SETDB1: variants seen among roughly 807,000 people sequenced by gnomAD.
The protein encoded by SETDB1 is histone-lysine N-methyltransferase SETDB1.
In SETDB1, 31 loss-of-function variants were observed where a neutral mutation model predicts 137.4. That is an observed-to-expected ratio of 0.23 (90% CI 0.17 to 0.30). The LOEUF (loss-of-function observed/expected upper bound fraction) is 0.30. Ranked by LOEUF, SETDB1 falls within the 10% of genes least tolerant of loss-of-function variation. SETDB1 has a pLI of 1.00. For missense variants in SETDB1, 1,113 were observed against 1,631.5 expected, an observed-to-expected ratio of 0.68 and a Z score of 5.47; for synonymous variants, 548 against 579.9, an observed-to-expected ratio of 0.95 and a Z score of 0.79.
chr1:150,938,293 A>G (rs1167738881), intron 3 of SETDB1, among the ~76,000 whole-genome samples: 1 of 151,982 alleles, frequency 6.6e-6, no homozygotes, highest in Non-Finnish European at 1.5e-5. Flanking sequence ...ACCGCATATT[A>G]CATGATTCTC....
At chr1:150,933,507 G>A (rs1440727567) in intron 3 of SETDB1, among the ~76,000 whole-genome samples, 1 of 151,428 alleles carries the variant, frequency 6.6e-6, no homozygotes, top group African/African-American at 2.4e-5. Context: ...TTCCTGAGTA[G>A]CTGGGACCAC....
At chr1:150,926,280 A>G (rs918898723), upstream of SETDB1, 3 of 189,980 alleles carry the variant, frequency 1.6e-5, no homozygotes, top group Non-Finnish European at 3.3e-5. Flanking sequence ...GTCGCCTCTG[A>G]GGGGCGCCCC....
chr1:150,951,140 G>A, intron 13 of SETDB1, 50 bp downstream of exon 13: 1 of 1,558,404 alleles, frequency 6.4e-7, no homozygotes, highest in South Asian at 1.2e-5. Context: ...TTGTTATGGT[G>A]TCTGTTTCAC....
chr1:150,963,562 A>G lies in SETDB1; in HGVS notation c.3493A>G (p.Thr1165Ala). ...PMKRQVAVKS[T>A]RGFALKSTHG... ...GAAGCGTCAAGTGGCAGTAAAATCA[A>G]CCCGAGGCTTTGCTCTTAAATCAAC... Residue 1165 changes from threonine to alanine, a missense_variant, in exon 20 of 22, where the codon ACC becomes GCC. Transcript: ENST00000692827. 1 of 1,613,914 alleles carries G rather than the reference A, an allele frequency of 6.2e-7. No homozygotes were observed. Among genetic ancestry groups the G allele is most frequent in the Non-Finnish European group, 8.5e-7 (1 of 1,179,904 alleles).
rs756399258 is a variant in SETDB1 at position 150,963,514 on chromosome 1, T to G, written c.3461-16T>G. On this transcript the variant is annotated splice_polypyrimidine_tract_variant and intron_variant, in intron 19 of 21. Coordinates refer to ENST00000692827, the MANE Select transcript of SETDB1 (RefSeq NM_001366418.1). ...GAGTTGGGATGGGTCCTGACCCCAT[T>G]CTCCCTCCTGTCCAGGTCCAATGAA... 1 of 1,599,096 alleles carries G rather than the reference T, an allele frequency of 6.3e-7. No homozygotes were observed. Among genetic ancestry groups the G allele is most frequent in the Non-Finnish European group, 8.5e-7 (1 of 1,170,938 alleles).
intron 3 of SETDB1, among the ~76,000 whole-genome samples, chr1:150,937,505 C>A (rs1669981823): frequency 6.6e-6 from 1 of 152,086 alleles, no homozygotes; most frequent in Non-Finnish European, 1.5e-5. Context: ...ACGGTCCTGG[C>A]TACTCAGGAG....
At position 150,963,415 on chromosome 1, in the gene SETDB1, T is replaced by C. The variant is rs151232571; in HGVS notation, c.3461-115T>C. ...CTTAGGATCTTTGAGTTCCAGCTTA[T>C]TGGTGTTTCTCAGCTGCAATGTTGG... On this transcript the variant is annotated intron_variant, in intron 19 of 21. Coordinates refer to ENST00000692827, the MANE Select transcript of SETDB1 (RefSeq NM_001366418.1). 8.8e-4 allele frequency: 820 copies of C among 934,400 alleles called. 8 individuals are homozygous for C. In the East Asian group the frequency reaches 0.011, roughly 13 times the overall value. 57.9% of individuals were successfully genotyped at this position (934,400 alleles called of 1,614,324 possible). A position where few individuals can be genotyped will look rare whatever the true frequency, so the allele number is the denominator to read the frequency against.
In SETDB1 at chr1:150,963,023, C is replaced by G; in HGVS notation, c.3344C>G (p.Thr1115Ser). The change falls in exon 19 of 22, where the codon ACC (threonine) becomes AGC (serine). Residue 1115 changes from threonine to serine, a missense_variant. This residue lies in a region of SETDB1 where 373 missense variants were observed against 412.7 expected (regional missense o/e 0.90). Coordinates refer to ENST00000692827, the MANE Select transcript of SETDB1 (RefSeq NM_001366418.1). ...SSTESEGESG[T>S]SRKPTAGQTS... ...ACAGAAAGTGAGGGGGAAAGTGGGA[C>G]CAGCCGAAAGCCCACTGCTGGTCAG... The G allele has an allele frequency of 6.2e-7, 1 of 1,614,140 alleles. No individual in the cohort carries two copies. The highest frequency in any genetic ancestry group is 1.6e-4 in the Middle Eastern group (1 of 6,062).
At chr1:150,928,081 G>C (rs181800938) in intron 2 of SETDB1, 107 bp downstream of exon 2, 124 of 1,321,448 alleles carry the variant, frequency 9.4e-5, no homozygotes, top group Middle Eastern at 8.1e-4. Context: ...GTTTTGAGAC[G>C]GAGTCTCGCT....
intron 14 of SETDB1, among the ~76,000 whole-genome samples, chr1:150,956,259 G>A (rs949920424): frequency 2.0e-5 from 3 of 151,734 alleles, no homozygotes; most frequent in Admixed American, 2.0e-4. Context: ...GGTGGCAGGC[G>A]CCTGTAATCC....
At chr1:150,937,305 A>G (rs1669976377) in intron 3 of SETDB1, among the ~76,000 whole-genome samples, 2 of 152,232 alleles carry the variant, frequency 1.3e-5, no homozygotes, top group African/African-American at 4.8e-5. Context: ...TCTAGCATTC[A>G]GTGGTGGCTG....
chr1:150,940,666 A>G (rs7556451), intron 4 of SETDB1, among the ~76,000 whole-genome samples: 66,200 of 151,378 alleles, frequency 0.44, 15,088 homozygotes, highest in African/African-American at 0.55. Flanking sequence ...TCGGCAGTTC[A>G]AGAGCAGCCT....
chr1:150,964,425 G>T lies in SETDB1; in HGVS notation c.*61G>T. The T allele has an allele frequency of 3.2e-6, 4 of 1,264,034 alleles. No homozygotes were observed. The highest frequency in any genetic ancestry group is 4.6e-6 in the Non-Finnish European group (4 of 873,324). 78.3% of individuals were successfully genotyped at this position (1,264,034 alleles called of 1,614,324 possible). A position where few individuals can be genotyped will look rare whatever the true frequency, so the allele number is the denominator to read the frequency against. The stretch of plus-strand genomic sequence containing the variant: ...GTTTCCTCAGGAACTGGGTCTTCCT[G>T]ATTGTTGAACCCTGACCCGAAGTCT... On this transcript the variant is annotated 3_prime_UTR_variant, in exon 22 of 22. Transcript: ENST00000692827.
Position 150,964,654 on chromosome 1 carries a change from T to G in SETDB1, c.*290T>G. ...CAAGTGTTCCTGCTTCTAACAGACTTTGTTCTTAGAATGGAGCCTGTGTAT... is the reference window on the plus strand; with the variant it reads ...CAAGTGTTCCTGCTTCTAACAGACTGTGTTCTTAGAATGGAGCCTGTGTAT... On this transcript the variant is annotated 3_prime_UTR_variant, in exon 22 of 22. Coordinates refer to ENST00000692827, the MANE Select transcript of SETDB1 (RefSeq NM_001366418.1). 1 of 607,828 alleles carries G rather than the reference T, an allele frequency of 1.6e-6. No homozygotes were observed. Among genetic ancestry groups the G allele is most frequent in the South Asian group, 2.0e-5 (1 of 51,022 alleles). The allele number at this position is 607,828 out of a possible 1,614,324, so 37.7% of individuals were successfully genotyped here.
chr1:150,964,003 C>T lies in SETDB1; in HGVS notation c.3681C>T (p.Cys1227=). ...TGTCCTTAAACCTACAGCACAGTTG[C>T]AGCCCCAACCTGTTTGTCCAGAATG... ...GNLGRYLNHS[C]SPNLFVQNVF... is the part of the protein sequence containing the mutation. Residue 1227 remains cysteine, a synonymous_variant, in exon 21 of 22, where the codon TGC becomes TGT. Transcript: ENST00000692827. 1.2e-6 allele frequency: 2 copies of T among 1,614,010 alleles called. No individual in the cohort carries two copies. The highest frequency in any genetic ancestry group is 1.7e-6 in the Non-Finnish European group (2 of 1,179,886).
At position 150,949,199 on chromosome 1, in the gene SETDB1, G is replaced by A; in HGVS notation, c.1345G>A (p.Glu449Lys). The A allele has an allele frequency of 6.2e-7, 1 of 1,613,944 alleles. No individual in the cohort carries two copies. Among genetic ancestry groups the A allele is most frequent in the Non-Finnish European group, 8.5e-7 (1 of 1,179,984 alleles). ...TGTGTQFKPV[E>K]PPQPTAPPAP... is the part of the protein sequence containing the mutation. ...TACTGGAACCCAGTTCAAGCCAGTG[G>A]AACCCCCACAGCCTACAGCTCCACC... The change falls in exon 11 of 22, where the codon GAA (glutamate) becomes AAA (lysine). Residue 449 changes from glutamate (E) to lysine (K), a missense_variant. By Grantham distance (56) the Glu-to-Lys change is moderately conservative. Coordinates refer to ENST00000692827, the MANE Select transcript of SETDB1 (RefSeq NM_001366418.1).
At chr1:150,931,863 C>T (rs1284750092) in intron 3 of SETDB1, among the ~76,000 whole-genome samples, 1 of 151,704 alleles carries the variant, frequency 6.6e-6, no homozygotes, top group Non-Finnish European at 1.5e-5. Flanking sequence ...GAATCCCCTT[C>T]TAATCCTAGT....
At chr1:150,956,213 C>T (rs747350738) in intron 14 of SETDB1, among the ~76,000 whole-genome samples, 25 of 151,820 alleles carry the variant, frequency 1.6e-4, no homozygotes, top group Non-Finnish European at 2.9e-4. Context: ...TGTTGAAACC[C>T]CGTCTCTACT....
At chr1:150,956,076 A>G (rs1447143002) in intron 14 of SETDB1, among the ~76,000 whole-genome samples, 13 of 145,984 alleles carry the variant, frequency 8.9e-5, no homozygotes, top group African/African-American at 3.4e-4. Context: ...TGGGCGACAG[A>G]AGGAGACTTC....
Sources: gnomAD v4.1 joint callset for allele counts (sites outside exome capture counted in the v4.1 genomes callset) on GRCh38, gnomAD v4.1.1 for gene constraint, gnomAD v4.1.1 regional missense constraint, MANE v1.5 for transcripts, NCBI Gene and HGNC (gene_info 2026-07-23, HGNC 2026-07-21) for gene names.